Variants in KCTD1 observed in about 807,000 individuals in gnomAD.
The protein encoded by KCTD1 is BTB/POZ domain-containing protein KCTD1.
Under a neutral mutation model 66.0 loss-of-function variants are expected in KCTD1, and 24 were observed. The ratio of observed to expected loss-of-function variants is 0.36; its 90% CI spans 0.26 to 0.51. KCTD1 has a LOEUF of 0.51. Ranked by LOEUF, KCTD1 falls within the 20% of genes least tolerant of loss-of-function variation. KCTD1 has a pLI of 0.95. For missense variants in KCTD1, 943 were observed against 1,205.2 expected (o/e 0.78, Z 3.22); for synonymous variants, 511 against 517.2 (o/e 0.99, Z 0.16).
At chr18:26,519,286 A>G (rs939723758) in intron 1 of KCTD1, among the ~76,000 whole-genome samples, 1 of 152,244 alleles carries the variant, frequency 6.6e-6, no homozygotes, top group Non-Finnish European at 1.5e-5. Flanking sequence ...AGTACAGAAC[A>G]TAACTCCTTC....
Position 26,556,550 on chromosome 18 carries a change from A to G in KCTD1, c.-15-55300T>C, listed in dbSNP as rs370221079. Among the ~76,000 whole-genome samples, 15 of 152,384 alleles carry G rather than the reference A, an allele frequency of 9.8e-5. 4 individuals are homozygous for G. The highest frequency in any genetic ancestry group is 3.6e-4 in the African/African-American group (15 of 41,604). On this transcript the variant is annotated intron_variant, in intron 1 of 4. Coordinates refer to the KCTD1 transcript ENST00000317932. ...TTTATCATTCTTTTCTGATTATAAA[A>G]GCAGTGTGTGTTCATTGGCAAAGAT...
chr18:26,611,996 G>T (rs556524078), intron 1 of KCTD1, among the ~76,000 whole-genome samples: 18 of 152,224 alleles, frequency 1.2e-4, no homozygotes, highest in African/African-American at 4.1e-4. Flanking sequence ...TCTACCCAAT[G>T]CCCTGTAAAT....
chr18:26,521,644 T>G (rs1983916613), intron 1 of KCTD1, among the ~76,000 whole-genome samples: 1 of 152,220 alleles, frequency 6.6e-6, no homozygotes, highest in African/African-American at 2.4e-5. Context: ...GTTATTAAAC[T>G]TCTATACTCG....
chr18:26,491,001 C>A (rs1434080860), intron 2 of KCTD1, among the ~76,000 whole-genome samples: 3 of 152,130 alleles, frequency 2.0e-5, no homozygotes, highest in Non-Finnish European at 1.5e-5. Context: ...GATCCGCCCA[C>A]CTCGGCCTCC....
intron 3 of KCTD1, among the ~76,000 whole-genome samples, chr18:26,471,012 T>C (rs1160511705): frequency 2.0e-5 from 3 of 152,142 alleles, no homozygotes; most frequent in Non-Finnish European, 4.4e-5. Flanking sequence ...AGGGATGTGG[T>C]GCTTTGCTCT....
chr18:26,578,565 T>C (rs1257186329), intron 1 of KCTD1, among the ~76,000 whole-genome samples: 1 of 152,176 alleles, frequency 6.6e-6, no homozygotes, highest in African/African-American at 2.4e-5. Context: ...TCCATCAGTT[T>C]TGCTGAACTC....
At chr18:26,637,320 A>C (rs1346860337) in intron 1 of KCTD1, among the ~76,000 whole-genome samples, 1 of 152,180 alleles carries the variant, frequency 6.6e-6, no homozygotes, top group African/African-American at 2.4e-5. Flanking sequence ...AGAACACTCC[A>C]AAGTGTAAAC....
intron 1 of KCTD1, among the ~76,000 whole-genome samples, chr18:26,555,432 GAAAAT>G (rs1446590430): frequency 6.6e-6 from 1 of 150,830 alleles, no homozygotes; most frequent in Non-Finnish European, 1.5e-5. Flanking sequence ...TCTCAAAAAT[GAAAAT>G]AAAATAAATA....
At chr18:26,553,330 T>C (rs530020537), upstream of KCTD1, among the ~76,000 whole-genome samples, 3 of 152,340 alleles carry the variant, frequency 2.0e-5, no homozygotes, top group African/African-American at 7.2e-5. Flanking sequence ...ATTGAACCCA[T>C]GTCATCTAAG....
chr18:26,508,438 T>C (rs1327319815), intron 1 of KCTD1, among the ~76,000 whole-genome samples: 1 of 152,214 alleles, frequency 6.6e-6, no homozygotes, highest in Non-Finnish European at 1.5e-5. Context: ...CTTGAACAAA[T>C]GAGCTGAAGT....
Position 26,476,416 on chromosome 18 carries a change from G to A in KCTD1, c.2133+99C>T. 1.8e-6 allele frequency: 2 copies of A among 1,136,200 alleles called. No homozygotes were observed. Among genetic ancestry groups the A allele is most frequent in the Non-Finnish European group, 1.2e-6 (1 of 817,036 alleles). 70.4% of individuals were successfully genotyped at this position (1,136,200 alleles called of 1,614,324 possible). On this transcript the variant is annotated intron_variant, in intron 3 of 4. Transcript: ENST00000580059. This position sits in a 1 kb window ranked among gnomAD's most constrained non-coding sequence, Gnocchi z 4.9. The stretch of plus-strand genomic sequence containing the variant: ...CAAAGAGAACTCTGGCACCTTTCGA[G>A]TTGGTGTATGTTAATAATGTAGAAC...
chr18:26,571,370 C>A (rs1308489924), intron 1 of KCTD1, among the ~76,000 whole-genome samples: 2 of 152,084 alleles, frequency 1.3e-5, no homozygotes, highest in Non-Finnish European at 2.9e-5. Flanking sequence ...TAAAAAAATA[C>A]CCATATCTGG....
chr18:26,480,898 G>A (rs1981613504), intron 2 of KCTD1, among the ~76,000 whole-genome samples: 1 of 152,192 alleles, frequency 6.6e-6, no homozygotes, highest in African/African-American at 2.4e-5. Flanking sequence ...CTGGCATCGT[G>A]TGCTGTCCAC....
At chr18:26,490,664 A>G (rs1051250421) in intron 2 of KCTD1, among the ~76,000 whole-genome samples, 2 of 152,182 alleles carry the variant, frequency 1.3e-5, no homozygotes, top group African/African-American at 4.8e-5. Flanking sequence ...TTCACATTCA[A>G]CAAATATTTA....
chr18:26,530,793 G>T (rs1446113341), intron 1 of KCTD1, among the ~76,000 whole-genome samples: 1 of 152,148 alleles, frequency 6.6e-6, no homozygotes, highest in Non-Finnish European at 1.5e-5. Flanking sequence ...GGACGATGTG[G>T]GTTTTTTTCT....
chr18:26,484,892 C>T (rs1981836422), intron 2 of KCTD1, among the ~76,000 whole-genome samples: 1 of 152,112 alleles, frequency 6.6e-6, no homozygotes, highest in African/African-American at 2.4e-5. Flanking sequence ...AGGGAGGCCA[C>T]GGAGGCAGGA....
intron 1 of KCTD1, among the ~76,000 whole-genome samples, chr18:26,620,967 G>C (rs963322755): frequency 1.3e-5 from 2 of 151,858 alleles, no homozygotes; most frequent in Admixed American, 6.6e-5. Flanking sequence ...CGAGTAGCTG[G>C]GACTACAGGC....
chr18:26,483,913 G>A (rs996346492), intron 2 of KCTD1, among the ~76,000 whole-genome samples: 2 of 152,144 alleles, frequency 1.3e-5, no homozygotes, highest in African/African-American at 4.8e-5. Flanking sequence ...GAAACAAAGT[G>A]GGGGGAAGGG....
intron 1 of KCTD1, among the ~76,000 whole-genome samples, chr18:26,656,373 G>A (rs1480305601): frequency 6.6e-6 from 1 of 152,200 alleles, no homozygotes; most frequent in Non-Finnish European, 1.5e-5. Context: ...CATGTGCTGT[G>A]CCCTTTATCC....
Sources: allele counts gnomAD v4.1 joint callset (sites outside exome capture counted in the v4.1 genomes callset), GRCh38; gene constraint gnomAD v4.1.1; non-coding constraint Gnocchi (gnomAD v3.1); transcripts MANE v1.5; gene names NCBI Gene and HGNC (gene_info 2026-07-23, HGNC 2026-07-21).